The following TMTC1 variants were observed in gnomAD, a reference collection of about 807,000 sequenced individuals.
TMTC1 encodes the protein protein O-mannosyl-transferase TMTC1.
A neutral mutation model predicts 104.8 loss-of-function variants in TMTC1; 73 were observed. The ratio of observed to expected loss-of-function variants is 0.70; its 90% confidence interval spans 0.58 to 0.85. The LOEUF is 0.85. Among genes scored for constraint, TMTC1 ranks in the 40% least tolerant of loss-of-function variants. The pLI is 0.00. For missense variants in TMTC1, 1,035 were observed against 1,096.1 expected (o/e 0.94, Z 0.79); for synonymous variants, 434 against 428.7 (o/e 1.01, Z -0.15).
intron 5 of TMTC1, among the ~76,000 whole-genome samples, chr12:29,743,695 T>C (rs1592000520): frequency 6.6e-6 from 1 of 152,118 alleles, no homozygotes; most frequent in Non-Finnish European, 1.5e-5. Flanking sequence ...AATGTTCTCA[T>C]GAAAAAATTA....
chr12:29,708,834 A>C (rs1394387762), intron 5 of TMTC1, among the ~76,000 whole-genome samples: 1 of 152,228 alleles, frequency 6.6e-6, no homozygotes, highest in Non-Finnish European at 1.5e-5. Flanking sequence ...CCAAAGTTTG[A>C]AGCTTTGCAG....
intron 5 of TMTC1, among the ~76,000 whole-genome samples, chr12:29,651,951 T>G (rs964671111): frequency 1.3e-5 from 2 of 152,010 alleles, no homozygotes; most frequent in African/African-American, 4.8e-5. Context: ...GAAGAGATGC[T>G]GGAAGATTTT....
chr12:29,741,809 A>T (rs780040671), intron 5 of TMTC1, among the ~76,000 whole-genome samples: 3 of 152,206 alleles, frequency 2.0e-5, no homozygotes, highest in Non-Finnish European at 4.4e-5. Flanking sequence ...CCTGCTTAGA[A>T]AAGTCTGGAG....
intron 11 of TMTC1, among the ~76,000 whole-genome samples, chr12:29,525,997 T>C (rs1944332982): frequency 6.6e-6 from 1 of 152,182 alleles, no homozygotes; most frequent in Admixed American, 6.6e-5. Context: ...GAGAAAGCTT[T>C]CATATAACCA....
intron 5 of TMTC1, among the ~76,000 whole-genome samples, chr12:29,726,083 TA>T (rs1942381775): frequency 6.6e-6 from 1 of 152,138 alleles, no homozygotes; most frequent in Admixed American, 6.5e-5. Context: ...GAGCAGAATT[TA>T]AAAACATACA....
At chr12:29,772,327 C>G (rs2120565828) in intron 1 of TMTC1, among the ~76,000 whole-genome samples, 1 of 152,234 alleles carries the variant, frequency 6.6e-6, no homozygotes, top group Middle Eastern at 3.4e-3. Context: ...ATATTCCTAA[C>G]CTGAAGGCAT....
chr12:29,570,675 C>A (rs1945642970), intron 9 of TMTC1, among the ~76,000 whole-genome samples: 1 of 152,034 alleles, frequency 6.6e-6, no homozygotes, highest in African/African-American at 2.4e-5. Flanking sequence ...GAAACCTGGT[C>A]TCTGCTAAAA....
At chr12:29,507,038 C>T in intron 17 of TMTC1, 52 bp from the exon 18 acceptor site, 1 of 1,522,616 alleles carries the variant, frequency 6.6e-7, no homozygotes, top group Non-Finnish European at 9.1e-7. Flanking sequence ...ACAAAACTCT[C>T]TCAGAGAATG....
At chr12:29,697,209 A>C (rs1048348471) in intron 5 of TMTC1, among the ~76,000 whole-genome samples, 1 of 152,212 alleles carries the variant, frequency 6.6e-6, no homozygotes, top group Admixed American at 6.5e-5. Flanking sequence ...GTTCCACTAC[A>C]TACTACATAC....
In TMTC1 at chr12:29,520,662, C is replaced by T; in HGVS notation, c.1844G>A (p.Ser615Asn). ...YQTGIKNCPD[S>N]SDLHNNYGVF... ...CCCATAGTTGTTGTGTAAATCTGAG[C>T]TGTCTGGACAGTTCTTTATTCCAGT... The change falls in exon 12 of 18, where the codon AGC (serine) becomes AAC (asparagine). Residue 615 changes from serine to asparagine, a missense_variant. By Grantham distance (46) the Ser-to-Asn change is conservative. Transcript: ENST00000539277. The T allele has an allele frequency of 6.2e-7, 1 of 1,613,578 alleles. No individual in the cohort carries two copies. Among genetic ancestry groups the T allele is most frequent in the Non-Finnish European group, 8.5e-7 (1 of 1,179,854 alleles).
intron 10 of TMTC1, among the ~76,000 whole-genome samples, chr12:29,555,132 T>C (rs943603165): frequency 2.7e-5 from 2 of 75,260 alleles, no homozygotes; most frequent in African/African-American, 9.1e-5. Flanking sequence ...AGTTCCAACA[T>C]CCTTTTTTTT....
At chr12:29,549,795 C>A (rs927961528) in intron 10 of TMTC1, among the ~76,000 whole-genome samples, 1 of 152,086 alleles carries the variant, frequency 6.6e-6, no homozygotes, top group Non-Finnish European at 1.5e-5. Context: ...AGGATGTATG[C>A]ATTAGGGAAA....
At chr12:29,655,087 T>C (rs1214427952) in intron 5 of TMTC1, among the ~76,000 whole-genome samples, 1 of 152,126 alleles carries the variant, frequency 6.6e-6, no homozygotes, top group Non-Finnish European at 1.5e-5. Context: ...TTTTACCATG[T>C]TGGCAGGATG....
At position 29,604,853 on chromosome 12, in the gene TMTC1, C is replaced by T. The variant is rs547275196; in HGVS notation, c.1129-554G>A. Among the ~76,000 whole-genome samples, 3 of 152,288 alleles carry T rather than the reference C, an allele frequency of 2.0e-5. No homozygotes were observed. The South Asian group carries it at 6.2e-4, about 32-fold the overall frequency. On this transcript the variant is annotated intron_variant, in intron 6 of 17. Transcript: ENST00000539277. ...TGAATTGAAGCATACCTTCACACCT[C>T]TCAAATTAGGCTGGCAAGCGAGTAT...
At chr12:29,653,824 C>T (rs76326415) in intron 5 of TMTC1, among the ~76,000 whole-genome samples, 5,788 of 152,316 alleles carry the variant, frequency 0.038, 162 homozygotes, top group Admixed American at 0.066. Context: ...ATCTACCTTA[C>T]ATCTTGATAT....
chr12:29,690,881 T>C (rs571242266), intron 5 of TMTC1, among the ~76,000 whole-genome samples: 1 of 152,200 alleles, frequency 6.6e-6, no homozygotes, highest in East Asian at 1.9e-4. Context: ...AAATTATAAC[T>C]GAGGAAATTA....
chr12:29,767,667 T>C (rs368886719), intron 2 of TMTC1, among the ~76,000 whole-genome samples: 2 of 151,760 alleles, frequency 1.3e-5, no homozygotes, highest in African/African-American at 4.8e-5. Context: ...AAAGGAAAAG[T>C]TGTCAACCAA....
intron 5 of TMTC1, among the ~76,000 whole-genome samples, chr12:29,715,586 G>A (rs1371084870): frequency 6.6e-6 from 1 of 152,124 alleles, no homozygotes; most frequent in Non-Finnish European, 1.5e-5. Flanking sequence ...TTATATATAT[G>A]AACTGATTTA....
intron 6 of TMTC1, among the ~76,000 whole-genome samples, chr12:29,622,751 T>C (rs1325717454): frequency 6.6e-6 from 1 of 152,200 alleles, no homozygotes; most frequent in Non-Finnish European, 1.5e-5. Context: ...TTATGTAATA[T>C]AAATTCAAAT....
Sources: gnomAD v4.1 joint callset for allele counts (sites outside exome capture counted in the v4.1 genomes callset) on GRCh38, gnomAD v4.1.1 for gene constraint, MANE v1.5 for transcripts, NCBI Gene and HGNC (gene_info 2026-07-23, HGNC 2026-07-21) for gene names.